SERPINI1: variants seen among roughly 807,000 people sequenced by gnomAD.
SERPINI1 encodes neuroserpin.
SERPINI1 carries 19 observed loss-of-function variants against 41.1 expected under a neutral mutation model. The ratio of observed to expected loss-of-function variants is 0.46; its 90% CI spans 0.32 to 0.68. The LOEUF is 0.68. Among genes scored for constraint, SERPINI1 ranks in the 30% least tolerant of loss-of-function variants. SERPINI1 has a pLI of 0.03. For synonymous variants in SERPINI1, 138 were observed against 156.6 expected (o/e 0.88, Z 0.89); for missense variants, 460 against 479.2 (o/e 0.96, Z 0.37).
chr3:167,811,160 T>A (rs1711862942), intron 6 of SERPINI1, among the ~76,000 whole-genome samples: 1 of 151,452 alleles, frequency 6.6e-6, no homozygotes, highest in South Asian at 2.1e-4. Flanking sequence ...TTTGATCTCC[T>A]TCCATGAAAC....
intron 1 of SERPINI1, among the ~76,000 whole-genome samples, chr3:167,744,235 A>C (rs1725769067): frequency 6.6e-6 from 1 of 152,114 alleles, no homozygotes. Context: ...CTTTACTCAA[A>C]GGTTGTTTAT....
chr3:167,744,627 ATATTT>A (rs1156818737), intron 1 of SERPINI1, among the ~76,000 whole-genome samples: 1 of 137,424 alleles, frequency 7.3e-6, no homozygotes, highest in African/African-American at 2.7e-5. Context: ...CTATATTTAA[ATATTT>A]TATATTTATA....
At chr3:167,797,813 A>G (rs1727765427) in intron 5 of SERPINI1, among the ~76,000 whole-genome samples, 1 of 152,114 alleles carries the variant, frequency 6.6e-6, no homozygotes, top group Non-Finnish European at 1.5e-5. Flanking sequence ...TCCAAAGAAC[A>G]ATTTACTTTT....
intron 1 of SERPINI1, among the ~76,000 whole-genome samples, chr3:167,780,036 G>C (rs1215975460): frequency 6.6e-6 from 1 of 151,946 alleles, no homozygotes; most frequent in Non-Finnish European, 1.5e-5. Flanking sequence ...GTTTAGTAAT[G>C]GTTTCTTGGA....
chr3:167,752,700 A>T (rs1352087275), intron 1 of SERPINI1, among the ~76,000 whole-genome samples: 1 of 152,046 alleles, frequency 6.6e-6, no homozygotes, highest in Non-Finnish European at 1.5e-5. Context: ...CTTGCTGCTT[A>T]CAAGGGCCTA....
chr3:167,753,027 G>A (rs369980004), intron 1 of SERPINI1, among the ~76,000 whole-genome samples: 15 of 152,176 alleles, frequency 9.9e-5, no homozygotes, highest in African/African-American at 3.1e-4. Context: ...ATGTGTGTTC[G>A]TTTAATGTAA....
At chr3:167,763,886 C>T (rs143927489) in intron 1 of SERPINI1, among the ~76,000 whole-genome samples, 2 of 152,210 alleles carry the variant, frequency 1.3e-5, no homozygotes, top group African/African-American at 4.8e-5. Context: ...TATGAAAACA[C>T]TTTAAAGTCA....
At chr3:167,774,759 C>T (rs1004504327) in intron 1 of SERPINI1, among the ~76,000 whole-genome samples, 2 of 146,636 alleles carry the variant, frequency 1.4e-5, no homozygotes, top group East Asian at 1.9e-4. Context: ...GGAGCAGTTT[C>T]ATCCCCAAAC....
intron 1 of SERPINI1, among the ~76,000 whole-genome samples, chr3:167,736,894 C>T (rs1037158591): frequency 6.6e-6 from 1 of 152,046 alleles, no homozygotes; most frequent in African/African-American, 2.4e-5. Context: ...CATTTTGTTA[C>T]AGAGGTTCCC....
chr3:167,763,991 C>G (rs1726473517), intron 1 of SERPINI1, among the ~76,000 whole-genome samples: 1 of 147,872 alleles, frequency 6.8e-6, no homozygotes, highest in Admixed American at 6.7e-5. Context: ...AGAGCACACA[C>G]TATTGAATTA....
At chr3:167,763,965 T>C in intron 1 of SERPINI1, among the ~76,000 whole-genome samples, 1 of 152,220 alleles carries the variant, frequency 6.6e-6, no homozygotes, top group Non-Finnish European at 1.5e-5. Context: ...ACATTAATAA[T>C]ACTAATGATC....
At chr3:167,741,955 G>A (rs1159615951) in intron 1 of SERPINI1, among the ~76,000 whole-genome samples, 1 of 152,030 alleles carries the variant, frequency 6.6e-6, no homozygotes, top group Non-Finnish European at 1.5e-5. Flanking sequence ...TGTGCACAAG[G>A]TATATTAACT....
At chr3:167,800,901 C>T (rs1375436121) in intron 5 of SERPINI1, among the ~76,000 whole-genome samples, 1 of 152,182 alleles carries the variant, frequency 6.6e-6, no homozygotes, top group Non-Finnish European at 1.5e-5. Context: ...CTGCAACCTC[C>T]ACCTCCCAGG....
At chr3:167,798,427 A>G (rs1275705696) in intron 5 of SERPINI1, among the ~76,000 whole-genome samples, 5 of 152,148 alleles carry the variant, frequency 3.3e-5, no homozygotes, top group Non-Finnish European at 5.9e-5. Context: ...TCAAATACTT[A>G]TATGTTACAA....
At position 167,803,703 on chromosome 3, in the gene SERPINI1, CT is replaced by C. The variant is rs538204963; in HGVS notation, c.882-3537del. On this transcript the variant is annotated intron_variant, in intron 5 of 8. Coordinates refer to ENST00000446050, the MANE Select transcript of SERPINI1 (RefSeq NM_001122752.2). ...CTAAAGTGTGAAACAAACTAAGCTG[CT>C]TTTAAGAAGCAAAAAGAATCCCCTA... 3.6e-3 allele frequency among the ~76,000 whole-genome samples: 552 copies of C among 152,268 alleles called. 5 individuals are homozygous for C. The highest frequency in any genetic ancestry group is 4.1e-3 in the Non-Finnish European group (279 of 68,028).
intron 1 of SERPINI1, among the ~76,000 whole-genome samples, chr3:167,742,815 G>T (rs992449940): frequency 1.5e-5 from 2 of 136,036 alleles, no homozygotes; most frequent in Non-Finnish European, 3.1e-5. Context: ...ATTTTGTGCC[G>T]TTTTGTGTGT....
intron 1 of SERPINI1, among the ~76,000 whole-genome samples, chr3:167,758,340 G>T (rs1726256019): frequency 1.3e-5 from 2 of 152,126 alleles, no homozygotes; most frequent in Non-Finnish European, 2.9e-5. Flanking sequence ...AATAAGTAAT[G>T]ATAGCAATGT....
chr3:167,752,672 A>G (rs1306439269), intron 1 of SERPINI1, among the ~76,000 whole-genome samples: 2 of 151,996 alleles, frequency 1.3e-5, no homozygotes, highest in African/African-American at 4.8e-5. Context: ...TACTGTGTTT[A>G]GGAGAAAATG....
At chr3:167,785,265 ACT>A (rs1360407540) in intron 1 of SERPINI1, among the ~76,000 whole-genome samples, 1 of 152,070 alleles carries the variant, frequency 6.6e-6, no homozygotes, top group Non-Finnish European at 1.5e-5. Flanking sequence ...TGCTTTGCAC[ACT>A]CTCTCTTATT....
Sources: allele counts gnomAD v4.1 joint callset (sites outside exome capture counted in the v4.1 genomes callset), GRCh38; gene constraint gnomAD v4.1.1; transcripts MANE v1.5; gene names NCBI Gene and HGNC (gene_info 2026-07-23, HGNC 2026-07-21).